Variants in DCLRE1B observed in about 807,000 individuals in gnomAD.
DCLRE1B encodes DNA cross-link repair 1B.
DCLRE1B carries 6 observed loss-of-function variants against 19.8 expected under a neutral mutation model. That is an observed-to-expected ratio of 0.30 (90% CI 0.17 to 0.60). The LOEUF (loss-of-function observed/expected upper bound fraction) is 0.60. Among genes scored for constraint, DCLRE1B ranks in the 20% least tolerant of loss-of-function variants. The probability of loss-of-function intolerance (pLI) is 0.87; values close to 1 mark genes in which losing one functional copy is unlikely to be tolerated. For missense variants in DCLRE1B, 622 were observed against 654.2 expected, an observed-to-expected ratio of 0.95 and a Z score of 0.54; for synonymous variants, 258 against 255.7, an observed-to-expected ratio of 1.01 and a Z score of -0.09.
rs1273046789 is a variant in DCLRE1B, at chr1:113,905,525, G to A, written c.-62G>A. 1.3e-6 allele frequency: 2 copies of A among 1,548,728 alleles called. No individual in the cohort carries two copies. On this transcript the variant is annotated 5_prime_UTR_variant, in exon 1 of 4. Coordinates refer to ENST00000650450, the MANE Select transcript of DCLRE1B (RefSeq NM_022836.4). The stretch of plus-strand genomic sequence containing the variant: ...CTTTTATCGGGACGCCGTTGTGGAA[G>A]CCTCACGCAGGAGCCCTGCCCCCGT...
intron 1 of DCLRE1B, among the ~76,000 whole-genome samples, chr1:113,906,554 A>G (rs568618923): frequency 3.9e-4 from 58 of 148,496 alleles, no homozygotes; most frequent in Admixed American, 3.6e-3. Flanking sequence ...GCAGTGGCGC[A>G]AACTCGGCTC....
At chr1:113,906,867 A>G (rs1192062327) in intron 1 of DCLRE1B, 129 bp from the exon 2 acceptor site, 1 of 989,026 alleles carries the variant, frequency 1.0e-6, no homozygotes, top group African/African-American at 1.6e-5. Flanking sequence ...GGGAATCCCC[A>G]TTACAGCTTC....
At chr1:113,904,978 G>T, upstream of DCLRE1B, 1 of 474,470 alleles carries the variant, frequency 2.1e-6, no homozygotes. Context: ...CCCACAGATC[G>T]CTCCCGCTAC....
chr1:113,909,127 T>TCTCTGTTTTATTATGGGTGTATCA (rs1553261921), intron 3 of DCLRE1B, among the ~76,000 whole-genome samples: 1 of 152,208 alleles, frequency 6.6e-6, no homozygotes, highest in East Asian at 1.9e-4. Flanking sequence ...ACTATGGCAG[T>TCTCTGTTTTATTATGGGTGTATCA]CTCTGTTTTA....
At chr1:113,906,783 A>G (rs1366637521) in intron 1 of DCLRE1B, among the ~76,000 whole-genome samples, 1 of 152,132 alleles carries the variant, frequency 6.6e-6, no homozygotes, top group African/African-American at 2.4e-5. Context: ...GTGAGCCACC[A>G]CGCCCGGCCA....
At position 113,905,363 on chromosome 1, in the gene DCLRE1B, T is replaced by C; in HGVS notation, c.-224T>C. Reference sequence around the variant, plus strand: ...CGGCTCGGCCTCCGCTCCCGCGCGGTTGGGAGTGTCCAGCGCCCTCCGCGA... The same window carrying C: ...CGGCTCGGCCTCCGCTCCCGCGCGGCTGGGAGTGTCCAGCGCCCTCCGCGA... On this transcript the variant is annotated 5_prime_UTR_variant, in exon 1 of 4. Transcript: ENST00000650450. 9.2e-6 allele frequency: 5 copies of C among 541,856 alleles called. No individual in the cohort carries two copies. The highest frequency in any genetic ancestry group is 2.5e-5 in the South Asian group (1 of 40,142). 33.6% of individuals were successfully genotyped at this position (541,856 alleles called of 1,614,324 possible).
At position 113,911,858 on chromosome 1, in the gene DCLRE1B, G is replaced by A. The variant is rs757187553; in HGVS notation, c.1266G>A (p.Val422=). ...AVPFCESQKR[V]TMLTAPLGFS... ...CTTTCTGTGAGTCTCAAAAGAGGGT[G>A]ACTATGTTGACGGCCCCACTGGGAT... The change falls in exon 4 of 4, where the codon GTG becomes GTA. Residue 422 remains valine (V), a synonymous_variant. Coordinates refer to ENST00000650450, the MANE Select transcript of DCLRE1B (RefSeq NM_022836.4). 3.1e-6 allele frequency: 5 copies of A among 1,614,122 alleles called. No individual in the cohort carries two copies. Among genetic ancestry groups the A allele is most frequent in the Non-Finnish European group, 4.2e-6 (5 of 1,180,052 alleles).
chr1:113,912,088 G>C lies in DCLRE1B; in HGVS notation c.1496G>C (p.Gly499Ala), dbSNP rs750408386. The C allele has an allele frequency of 4.3e-6, 7 of 1,614,080 alleles. No individual in the cohort carries two copies. The highest frequency in any genetic ancestry group is 1.3e-5 in the African/African-American group (1 of 74,948). ...CCTCTTCTAGCTACTGAATTCAGGGGTCTAGCACTCAAATATCTTCTGACT... is the reference window on the plus strand; with the variant it reads ...CCTCTTCTAGCTACTGAATTCAGGGCTCTAGCACTCAAATATCTTCTGACT... ...GTPLLATEFR[G>A]LALKYLLTPV... The change falls in exon 4 of 4, where the codon GGT becomes GCT. Residue 499 changes from glycine to alanine, a missense_variant. Coordinates refer to ENST00000650450, the MANE Select transcript of DCLRE1B (RefSeq NM_022836.4).
chr1:113,908,517 A>C (rs1669128291), intron 3 of DCLRE1B, among the ~76,000 whole-genome samples: 1 of 152,170 alleles, frequency 6.6e-6, no homozygotes, highest in African/African-American at 2.4e-5. Context: ...CTGAGACAGG[A>C]GGATTGCCTG....
chr1:113,912,075 A>G lies in DCLRE1B; in HGVS notation c.1483A>G (p.Thr495Ala). The G allele has an allele frequency of 6.2e-7, 1 of 1,614,152 alleles. No individual in the cohort carries two copies. Among genetic ancestry groups the G allele is most frequent in the Non-Finnish European group, 8.5e-7 (1 of 1,180,016 alleles). ...CAGCAAGGGCACCCCTCTTCTAGCT[A>G]CTGAATTCAGGGGTCTAGCACTCAA... is the stretch of plus-strand genomic sequence containing the variant. ...HSSKGTPLLA[T>A]EFRGLALKYL... Residue 495 changes from threonine to alanine, a missense_variant, in exon 4 of 4, where the codon ACT (threonine) becomes GCT (alanine). By Grantham distance (58) the Thr-to-Ala change is moderately conservative. Transcript: ENST00000650450.
chr1:113,907,796 C>T (rs533248537), intron 2 of DCLRE1B, among the ~76,000 whole-genome samples: 51 of 152,066 alleles, frequency 3.4e-4, no homozygotes, highest in Non-Finnish European at 5.7e-4. Context: ...TTTAAGGGTC[C>T]GAACCTTGTG....
upstream of DCLRE1B, chr1:113,905,296 A>C: frequency 2.4e-6 from 1 of 415,734 alleles, no homozygotes; most frequent in Non-Finnish European, 4.4e-6. Context: ...GAAATCGGCT[A>C]CTTTGGCCTG....
Position 113,913,661 on chromosome 1 carries a change from C to T in DCLRE1B, c.*1470C>T, listed in dbSNP as rs1669344029. ...GAGATTGAATAATTGGTAAAATTCT[C>T]CTAGCTCAGTGACTGCCACAGGATG... On this transcript the variant is annotated 3_prime_UTR_variant, in exon 4 of 4. Transcript: ENST00000650450. 1.3e-5 allele frequency: 2 copies of T among 152,652 alleles called. No individual in the cohort carries two copies. Among genetic ancestry groups the T allele is most frequent in the African/African-American group, 2.4e-5 (1 of 41,450 alleles). 9.5% of individuals were successfully genotyped at this position (152,652 alleles called of 1,614,324 possible). A position where few individuals can be genotyped will look rare whatever the true frequency, so the allele number is the denominator to read the frequency against.
intron 2 of DCLRE1B, 40 bp downstream of exon 2, chr1:113,907,201 GATGTTTTT>G: frequency 4.1e-6 from 1 of 245,260 alleles, no homozygotes; most frequent in Non-Finnish European, 6.6e-6. Flanking sequence ...CTCCAGACTA[GATGTTTTT>G]TTTTTTTTTT....
At chr1:113,906,788 C>T (rs1669019712) in intron 1 of DCLRE1B, among the ~76,000 whole-genome samples, 1 of 152,128 alleles carries the variant, frequency 6.6e-6, no homozygotes, top group Non-Finnish European at 1.5e-5. Context: ...CCACCACGCC[C>T]GGCCAGCTGA....
In DCLRE1B at chr1:113,907,098, A is replaced by G; in HGVS notation, c.292A>G (p.Asn98Asp). The G allele has an allele frequency of 6.2e-7, 1 of 1,612,716 alleles. No homozygotes were observed. Among genetic ancestry groups the G allele is most frequent in the East Asian group, 2.2e-5 (1 of 44,856 alleles). Residue 98 changes from asparagine to aspartate, a missense_variant, in exon 2 of 4, where the codon AAT (asparagine) becomes GAT (aspartate). Coordinates refer to ENST00000650450, the MANE Select transcript of DCLRE1B (RefSeq NM_022836.4). ...CATGACCGTAACCCTCCTCGATGCC[A>G]ATCACTGTCCTGGTTCTGTCATGTT... ...ETMTVTLLDA[N>D]HCPGSVMFLF... is the part of the protein sequence containing the mutation.
At position 113,911,912 on chromosome 1, in the gene DCLRE1B, G is replaced by A; in HGVS notation, c.1320G>A (p.Glu440=). 6.2e-7 allele frequency: 1 copy of A among 1,614,134 alleles called. No individual in the cohort carries two copies. The highest frequency in any genetic ancestry group is 8.5e-7 in the Non-Finnish European group (1 of 1,180,024). Residue 440 remains glutamate, a synonymous_variant, in exon 4 of 4, where the codon GAG becomes GAA. Coordinates refer to ENST00000650450, the MANE Select transcript of DCLRE1B (RefSeq NM_022836.4). Reference sequence around the variant, plus strand: ...CAGTGCACTTAAGGTCTACAGATGAGGAGTTTATTTCTCAAAAAACCAGGG... The same window carrying A: ...CAGTGCACTTAAGGTCTACAGATGAAGAGTTTATTTCTCAAAAAACCAGGG... The part of the protein sequence containing the change: ...GFSVHLRSTD[E]EFISQKTREE...
intron 3 of DCLRE1B, among the ~76,000 whole-genome samples, chr1:113,910,524 CAG>C (rs776963084): frequency 6.6e-6 from 1 of 151,912 alleles, no homozygotes; most frequent in African/African-American, 2.4e-5. Context: ...TTTTAAGAGA[CAG>C]GGTCTCACTC....
rs977545054 is a variant in DCLRE1B, at chr1:113,912,644, C to G, written c.*453C>G. 1 of 153,768 alleles carries G rather than the reference C, an allele frequency of 6.5e-6. No homozygotes were observed. Among genetic ancestry groups the G allele is most frequent in the Admixed American group, 6.5e-5 (1 of 15,382 alleles). 9.5% of individuals were successfully genotyped at this position (153,768 alleles called of 1,614,324 possible). A position where few individuals can be genotyped will look rare whatever the true frequency, so the allele number is the denominator to read the frequency against. ...CTCCATGTCCCCTTCTCCCTCTTCT[C>G]AGATCAAAATCCCTAGGGAGTTCTA... On this transcript the variant is annotated 3_prime_UTR_variant, in exon 4 of 4. Coordinates refer to ENST00000650450, the MANE Select transcript of DCLRE1B (RefSeq NM_022836.4).
Sources: gnomAD v4.1 joint callset for allele counts (sites outside exome capture counted in the v4.1 genomes callset) on GRCh38, gnomAD v4.1.1 for gene constraint, MANE v1.5 for transcripts, NCBI Gene and HGNC (gene_info 2026-07-23, HGNC 2026-07-21) for gene names.